Variants in GPHN observed in about 807,000 individuals in gnomAD.
GPHN encodes gephyrin.
Under a neutral mutation model 95.5 loss-of-function variants are expected in GPHN, and 17 were observed. The ratio of observed to expected loss-of-function variants is 0.18; its 90% CI spans 0.12 to 0.27. The LOEUF is 0.27. Among genes scored for constraint, GPHN ranks in the 10% least tolerant of loss-of-function variants. The probability of loss-of-function intolerance (pLI) is 1.00; values close to 1 mark genes in which losing one functional copy is unlikely to be tolerated. For missense variants in GPHN, 660 were observed against 978.1 expected (o/e 0.67, Z 4.34); for synonymous variants, 320 against 322.5 (o/e 0.99, Z 0.08).
the GPHN span, among the ~76,000 whole-genome samples, chr14:67,404,994 G>A: frequency 6.6e-6 from 1 of 151,742 alleles, no homozygotes; most frequent in South Asian, 2.1e-4. Flanking sequence ...AGAATTTTGG[G>A]AGGCCAAAGT....
the GPHN span, among the ~76,000 whole-genome samples, chr14:67,552,722 G>A: frequency 2.0e-5 from 3 of 151,356 alleles, no homozygotes; most frequent in Non-Finnish European, 4.4e-5. Context: ...AGCCGAGATC[G>A]CACCACTGCA....
intron 2 of GPHN, among the ~76,000 whole-genome samples, chr14:66,699,420 A>G (rs976894179): frequency 6.6e-6 from 1 of 152,080 alleles, no homozygotes; most frequent in Non-Finnish European, 1.5e-5. Flanking sequence ...ATAATATTAT[A>G]TTAAATATGG....
At chr14:67,485,199 T>C in the GPHN span, among the ~76,000 whole-genome samples, 2 of 152,208 alleles carry the variant, frequency 1.3e-5, no homozygotes, top group Admixed American at 6.5e-5. Flanking sequence ...CATAAATTGC[T>C]CTGGGGAGAT....
At chr14:66,849,462 C>T (rs924541781) in intron 4 of GPHN, among the ~76,000 whole-genome samples, 1 of 151,936 alleles carries the variant, frequency 6.6e-6, no homozygotes, top group African/African-American at 2.4e-5. Context: ...CTAAATTACC[C>T]TCTTAGAATA....
At chr14:67,693,229 C>T in the GPHN span, among the ~76,000 whole-genome samples, 1 of 152,218 alleles carries the variant, frequency 6.6e-6, no homozygotes, top group South Asian at 2.1e-4. Flanking sequence ...AAGTTTTCTG[C>T]TTTTGCTCAA....
the GPHN span, among the ~76,000 whole-genome samples, chr14:67,275,195 G>A: frequency 2.6e-5 from 4 of 152,274 alleles, no homozygotes; most frequent in South Asian, 8.3e-4. Flanking sequence ...CCTGTCTTGT[G>A]GCAGTTTTGA....
At chr14:66,926,344 A>G (rs1596391979) in intron 8 of GPHN, among the ~76,000 whole-genome samples, 1 of 152,286 alleles carries the variant, frequency 6.6e-6, no homozygotes, top group African/African-American at 2.4e-5. Flanking sequence ...AGTTTTCCCA[A>G]TGTTTCCTTT....
chr14:66,610,656 A>G (rs1054187054), intron 1 of GPHN, among the ~76,000 whole-genome samples: 1 of 152,138 alleles, frequency 6.6e-6, no homozygotes, highest in Non-Finnish European at 1.5e-5. Context: ...GATACTTGTT[A>G]AAGTACATTA....
At chr14:67,636,585 G>A in the GPHN span, among the ~76,000 whole-genome samples, 1 of 152,220 alleles carries the variant, frequency 6.6e-6, no homozygotes, top group African/African-American at 2.4e-5. Context: ...AGGTAAGGCT[G>A]TTTTGATTTC....
chr14:66,735,380 G>A (rs1012733299), intron 2 of GPHN, among the ~76,000 whole-genome samples: 2 of 152,110 alleles, frequency 1.3e-5, no homozygotes, highest in Non-Finnish European at 2.9e-5. Context: ...TTGTGGAAGA[G>A]GAAAGGAGGG....
At chr14:67,418,190 A>G in the GPHN span, among the ~76,000 whole-genome samples, 1 of 152,214 alleles carries the variant, frequency 6.6e-6, no homozygotes, top group Non-Finnish European at 1.5e-5. Flanking sequence ...CATTCTGTAG[A>G]TGTAAATGAA....
At chr14:67,402,310 G>A in the GPHN span, among the ~76,000 whole-genome samples, 1 of 152,018 alleles carries the variant, frequency 6.6e-6, no homozygotes, top group Non-Finnish European at 1.5e-5. Flanking sequence ...TACATAATAA[G>A]TATATATACA....
At chr14:67,387,225 C>T in the GPHN span, 32 of 1,144,640 alleles carry the variant, frequency 2.8e-5, no homozygotes, top group Non-Finnish European at 3.9e-5. Context: ...CAAAGCAGTA[C>T]AAAACTTACA....
At chr14:67,345,732 A>G in the GPHN span, 4 of 1,456,974 alleles carry the variant, frequency 2.7e-6, no homozygotes, top group Non-Finnish European at 2.9e-6. Context: ...GTTACAAATC[A>G]AACTACAGGA....
the GPHN span, chr14:67,349,225 T>C: frequency 1.0e-6 from 1 of 962,764 alleles, no homozygotes; most frequent in Non-Finnish European, 1.5e-6. Flanking sequence ...AAGTATGTTT[T>C]GATAACTGTC....
intron 1 of GPHN, among the ~76,000 whole-genome samples, chr14:66,510,477 C>G (rs1393613038): frequency 6.6e-6 from 1 of 152,094 alleles, no homozygotes. Flanking sequence ...AAGATGCAGC[C>G]CTTATCTGGT....
chr14:66,589,250 A>G (rs6573687), intron 1 of GPHN, among the ~76,000 whole-genome samples: 50,403 of 151,996 alleles, frequency 0.33, 12,386 homozygotes, highest in African/African-American at 0.67. Flanking sequence ...ATATGGGAAG[A>G]AAAAACCGGT....
At chr14:67,325,567 G>A in the GPHN span, among the ~76,000 whole-genome samples, 8 of 152,226 alleles carry the variant, frequency 5.3e-5, no homozygotes, top group South Asian at 8.3e-4. Context: ...CAAGAGAAAC[G>A]AGATTAATAC....
At chr14:67,557,370 G>A in the GPHN span, 1 of 1,613,978 alleles carries the variant, frequency 6.2e-7, no homozygotes, top group Non-Finnish European at 8.5e-7. Context: ...AAGCCATAAA[G>A]GGCAAAGATG....
Sources: gnomAD v4.1 joint callset for allele counts (sites outside exome capture counted in the v4.1 genomes callset) on GRCh38, gnomAD v4.1.1 for gene constraint, MANE v1.5 for transcripts, NCBI Gene and HGNC (gene_info 2026-07-23, HGNC 2026-07-21) for gene names.